The following FAF1 variants were observed in gnomAD, a reference collection of about 807,000 sequenced individuals.
FAF1 encodes FAS-associated factor 1.
A neutral mutation model predicts 92.5 loss-of-function variants in FAF1; 25 were observed. The observed-to-expected ratio is 0.27, with a 90% CI of 0.20 to 0.38. The LOEUF (loss-of-function observed/expected upper bound fraction) is 0.38, where lower values mean the gene tolerates loss of function less well. Among genes scored for constraint, FAF1 ranks in the 10% least tolerant of loss-of-function variants. The pLI is 1.00. For missense variants in FAF1, 636 were observed against 793.3 expected (o/e 0.80, Z 2.38); for synonymous variants, 234 against 273.2 (o/e 0.86, Z 1.42).
chr1:50,550,495 T>C (rs1649261397), intron 13 of FAF1, among the ~76,000 whole-genome samples: 2 of 152,124 alleles, frequency 1.3e-5, no homozygotes, highest in African/African-American at 4.8e-5. Flanking sequence ...CAAGAGCTGA[T>C]TGTAACCCAG....
At chr1:50,449,773 C>A (rs1271868901) in intron 18 of FAF1, among the ~76,000 whole-genome samples, 3 of 151,718 alleles carry the variant, frequency 2.0e-5, no homozygotes, top group African/African-American at 7.3e-5. Context: ...CAGGCATGAG[C>A]CACCGCGCCT....
intron 12 of FAF1, among the ~76,000 whole-genome samples, chr1:50,577,619 T>C (rs1650812603): frequency 1.3e-5 from 2 of 152,324 alleles, no homozygotes; most frequent in African/African-American, 4.8e-5. Flanking sequence ...TTCTATGGTA[T>C]ATTATACTAT....
intron 7 of FAF1, among the ~76,000 whole-genome samples, chr1:50,684,668 T>C (rs947113298): frequency 3.9e-4 from 59 of 152,180 alleles, no homozygotes; most frequent in African/African-American, 1.3e-3. Flanking sequence ...ATTCACAAAA[T>C]TCCTGAATAT....
At chr1:50,502,197 C>T (rs1646999736) in intron 15 of FAF1, among the ~76,000 whole-genome samples, 1 of 152,132 alleles carries the variant, frequency 6.6e-6, no homozygotes, top group South Asian at 2.1e-4. Context: ...CTAATAAAGA[C>T]CAACTCTCAG....
At chr1:50,883,925 G>A (rs1644635610) in intron 1 of FAF1, among the ~76,000 whole-genome samples, 1 of 152,038 alleles carries the variant, frequency 6.6e-6, no homozygotes, top group Admixed American at 6.5e-5. Context: ...AGGAATTCCA[G>A]ACCAGCCTGG....
At chr1:50,571,994 T>C (rs570599171) in intron 12 of FAF1, among the ~76,000 whole-genome samples, 167 of 152,322 alleles carry the variant, frequency 1.1e-3, no homozygotes, top group African/African-American at 3.9e-3. Context: ...CATAGTTTTT[T>C]TCAGTGTTAA....
chr1:50,659,473 G>A (rs1387312176), intron 7 of FAF1, among the ~76,000 whole-genome samples: 1 of 152,178 alleles, frequency 6.6e-6, no homozygotes, highest in Non-Finnish European at 1.5e-5. Flanking sequence ...GGCATGCCCA[G>A]CTGCCAATAT....
At chr1:50,816,783 T>C (rs1643981584) in intron 2 of FAF1, among the ~76,000 whole-genome samples, 1 of 152,232 alleles carries the variant, frequency 6.6e-6, no homozygotes, top group Non-Finnish European at 1.5e-5. Context: ...TGGCATTTCC[T>C]AGGTTTTCTT....
At chr1:50,856,944 A>T (rs1644394961) in intron 2 of FAF1, among the ~76,000 whole-genome samples, 1 of 151,806 alleles carries the variant, frequency 6.6e-6, no homozygotes, top group Admixed American at 6.6e-5. Context: ...AAACAATCTC[A>T]GTTGTCTATT....
chr1:50,442,673 T>G (rs1646183662), intron 18 of FAF1, among the ~76,000 whole-genome samples: 1 of 151,906 alleles, frequency 6.6e-6, no homozygotes, highest in Admixed American at 6.6e-5. Context: ...TAACTCAAGC[T>G]GCTCCTAATA....
At chr1:50,529,603 A>G (rs1022979883) in intron 15 of FAF1, among the ~76,000 whole-genome samples, 2 of 152,198 alleles carry the variant, frequency 1.3e-5, no homozygotes, top group African/African-American at 4.8e-5. Context: ...TTGCCCCAGA[A>G]GAAAGAACCC....
At chr1:50,505,296 C>T (rs975228010) in intron 15 of FAF1, among the ~76,000 whole-genome samples, 3 of 152,088 alleles carry the variant, frequency 2.0e-5, no homozygotes, top group African/African-American at 7.2e-5. Flanking sequence ...AAATTCCTTA[C>T]ACAGGAACAT....
chr1:50,622,098 G>A (rs889102188), intron 8 of FAF1, among the ~76,000 whole-genome samples: 1 of 150,890 alleles, frequency 6.6e-6, no homozygotes, highest in Non-Finnish European at 1.5e-5. Context: ...TCGGGAGGTG[G>A]AGGTTGCAGT....
At chr1:50,788,438 T>C (rs1011521426) in intron 3 of FAF1, among the ~76,000 whole-genome samples, 1 of 152,236 alleles carries the variant, frequency 6.6e-6, no homozygotes, top group Non-Finnish European at 1.5e-5. Context: ...CAGTATCATA[T>C]CATTTAGCAT....
rs989705158 is a variant in FAF1, at chr1:50,813,315, T to C, written c.115-11638A>G. Among the ~76,000 whole-genome samples the C allele has an allele frequency of 3.3e-5, 5 of 152,102 alleles. No homozygotes were observed. The South Asian group carries it at 8.3e-4, about 25-fold the overall frequency. On this transcript the variant is annotated intron_variant, in intron 2 of 18. Transcript: ENST00000396153. ...ACTTATTGCAGAAGAAATCAGAAAA[T>C]AGAGAAAAGTATAAAGAAGAAAATT...
chr1:50,548,414 G>C (rs1008474518), intron 13 of FAF1, among the ~76,000 whole-genome samples: 11 of 152,146 alleles, frequency 7.2e-5, no homozygotes, highest in African/African-American at 2.7e-4. Flanking sequence ...ACTCACCTCT[G>C]TATTCCTAGC....
intron 1 of FAF1, among the ~76,000 whole-genome samples, chr1:50,951,867 T>C (rs1645216650): frequency 6.6e-6 from 1 of 152,212 alleles, no homozygotes; most frequent in South Asian, 2.1e-4. Context: ...TATTGTCTTT[T>C]GTAGACAATA....
intron 9 of FAF1, 52 bp downstream of exon 9, chr1:50,596,069 G>T: frequency 1.7e-6 from 2 of 1,181,322 alleles, no homozygotes; most frequent in South Asian, 1.3e-5. Context: ...AAGTGCGCAG[G>T]TAGGTGGGGG....
At chr1:50,850,239 T>C (rs759570623) in intron 2 of FAF1, among the ~76,000 whole-genome samples, 6 of 151,970 alleles carry the variant, frequency 3.9e-5, no homozygotes, top group Non-Finnish European at 7.4e-5. Flanking sequence ...TCTGAGAATA[T>C]AGGCTAACTA....
Sources: allele counts gnomAD v4.1 joint callset (sites outside exome capture counted in the v4.1 genomes callset), GRCh38; gene constraint gnomAD v4.1.1; transcripts MANE v1.5; gene names NCBI Gene and HGNC (gene_info 2026-07-23, HGNC 2026-07-21).